Variants in VDAC1 observed in about 807,000 individuals in gnomAD.
The protein encoded by VDAC1 is voltage dependent anion channel 1.
Under a neutral mutation model 34.7 loss-of-function variants are expected in VDAC1, and 10 were observed. The ratio of observed to expected loss-of-function variants is 0.29; its 90% CI spans 0.18 to 0.49. The LOEUF (loss-of-function observed/expected upper bound fraction) is 0.49, where lower values mean the gene tolerates loss of function less well. Ranked by LOEUF, VDAC1 falls within the 20% of genes least tolerant of loss-of-function variation. The pLI is 0.99. For missense variants in VDAC1, 230 were observed against 347.9 expected (o/e 0.66, Z 2.69); for synonymous variants, 130 against 136.0 (o/e 0.96, Z 0.30).
upstream of VDAC1, among the ~76,000 whole-genome samples, chr5:134,006,344 C>G (rs1753749894): frequency 6.6e-6 from 1 of 152,134 alleles, no homozygotes; most frequent in South Asian, 2.1e-4. Flanking sequence ...GCTCCAGGAA[C>G]CCCACAGGGC....
the VDAC1 span, among the ~76,000 whole-genome samples, chr5:134,039,514 G>A: frequency 1.3e-5 from 1 of 75,642 alleles, no homozygotes; most frequent in Non-Finnish European, 3.5e-5. Context: ...ATTTTTAGTA[G>A]AGACGGGGGT....
the VDAC1 span, among the ~76,000 whole-genome samples, chr5:134,036,885 G>A: frequency 1.3e-5 from 2 of 151,500 alleles, no homozygotes; most frequent in African/African-American, 2.4e-5. Context: ...CCCAGGAGGT[G>A]GAGCTTGTAA....
At chr5:134,103,407 G>C in the VDAC1 span, among the ~76,000 whole-genome samples, 2 of 152,148 alleles carry the variant, frequency 1.3e-5, no homozygotes, top group Non-Finnish European at 2.9e-5. Context: ...ACAAGCATGA[G>C]CCACTGTGCC....
At chr5:134,096,135 C>T in the VDAC1 span, among the ~76,000 whole-genome samples, 2 of 152,234 alleles carry the variant, frequency 1.3e-5, no homozygotes, top group Non-Finnish European at 2.9e-5. Flanking sequence ...GTTTCCTTTC[C>T]CCAGGGCCCG....
chr5:134,099,098 C>T, the VDAC1 span, among the ~76,000 whole-genome samples: 6 of 152,082 alleles, frequency 3.9e-5, no homozygotes, highest in Non-Finnish European at 4.4e-5. Context: ...AGAAGGAAGG[C>T]GGGCAGAGAG....
chr5:134,073,027 A>C, the VDAC1 span, among the ~76,000 whole-genome samples: 1 of 152,156 alleles, frequency 6.6e-6, no homozygotes, highest in South Asian at 2.1e-4. Context: ...GATGCCAAGA[A>C]AAGGACAGTC....
At chr5:133,989,427 T>A (rs1376351598) in intron 5 of VDAC1, among the ~76,000 whole-genome samples, 1 of 151,762 alleles carries the variant, frequency 6.6e-6, no homozygotes, top group Non-Finnish European at 1.5e-5. Context: ...TGGTGCGATC[T>A]CAGCTCACTG....
the VDAC1 span, among the ~76,000 whole-genome samples, chr5:134,015,124 C>T: frequency 6.6e-6 from 1 of 152,068 alleles, no homozygotes; most frequent in African/African-American, 2.4e-5. Flanking sequence ...AAACCAAATA[C>T]TGCATGTTCT....
the VDAC1 span, among the ~76,000 whole-genome samples, chr5:134,029,497 T>G: frequency 6.6e-6 from 1 of 152,340 alleles, no homozygotes; most frequent in East Asian, 1.9e-4. Context: ...AAAGCAGCAC[T>G]TTCCAATAGA....
chr5:133,982,067 A>G (rs1752718362), intron 5 of VDAC1, among the ~76,000 whole-genome samples: 1 of 152,246 alleles, frequency 6.6e-6, no homozygotes, highest in Non-Finnish European at 1.5e-5. Flanking sequence ...TATCAAAGCT[A>G]TTGAAGACTA....
At chr5:134,010,620 A>C in the VDAC1 span, among the ~76,000 whole-genome samples, 130 of 152,076 alleles carry the variant, frequency 8.5e-4, no homozygotes, top group African/African-American at 2.9e-3. Context: ...AACAACAACA[A>C]ATTTCCTGTG....
the VDAC1 span, among the ~76,000 whole-genome samples, chr5:134,085,895 A>G: frequency 6.6e-6 from 1 of 152,002 alleles, no homozygotes; most frequent in Non-Finnish European, 1.5e-5. Flanking sequence ...CCTATCTCTG[A>G]AAAACAGAAT....
the VDAC1 span, among the ~76,000 whole-genome samples, chr5:134,109,330 T>C: frequency 6.6e-6 from 1 of 152,218 alleles, no homozygotes; most frequent in African/African-American, 2.4e-5. Context: ...TAGGATTTAG[T>C]GCAGGCGTAT....
upstream of VDAC1, among the ~76,000 whole-genome samples, chr5:134,007,791 G>A (rs1229577087): frequency 1.3e-5 from 2 of 152,200 alleles, no homozygotes; most frequent in Admixed American, 6.5e-5. Flanking sequence ...CGCTGCAGAG[G>A]GTGGCTCTGG....
the VDAC1 span, among the ~76,000 whole-genome samples, chr5:134,051,748 G>T: frequency 1.3e-5 from 2 of 150,816 alleles, no homozygotes; most frequent in Non-Finnish European, 2.9e-5. Context: ...GCTTCAGCTG[G>T]AGTGCAATAG....
chr5:134,065,744 C>T, the VDAC1 span, among the ~76,000 whole-genome samples: 1 of 149,608 alleles, frequency 6.7e-6, no homozygotes, highest in Non-Finnish European at 1.5e-5. Flanking sequence ...TGAATTAGTT[C>T]AGGGGTCATC....
At chr5:134,021,948 G>T in the VDAC1 span, among the ~76,000 whole-genome samples, 1 of 150,360 alleles carries the variant, frequency 6.7e-6, no homozygotes, top group African/African-American at 2.4e-5. Context: ...CATGATCTTG[G>T]CTCACTGCAA....
At chr5:134,001,124 C>T (rs573574745) in intron 1 of VDAC1, among the ~76,000 whole-genome samples, 38 of 152,348 alleles carry the variant, frequency 2.5e-4, no homozygotes, top group Non-Finnish European at 3.8e-4. Flanking sequence ...CCAATTTTGA[C>T]TTTCCAAAAG....
the VDAC1 span, among the ~76,000 whole-genome samples, chr5:134,062,914 A>G: frequency 3.4e-5 from 5 of 146,168 alleles, no homozygotes; most frequent in African/African-American, 1.2e-4. Context: ...GGCATGAGCC[A>G]CTGCACCCGG....
Sources: gnomAD v4.1 joint callset for allele counts (sites outside exome capture counted in the v4.1 genomes callset) on GRCh38, gnomAD v4.1.1 for gene constraint, MANE v1.5 for transcripts, NCBI Gene and HGNC (gene_info 2026-07-23, HGNC 2026-07-21) for gene names.